Variants in TRAPPC9 observed in about 807,000 individuals in gnomAD.
TRAPPC9 encodes trafficking protein particle complex subunit 9.
Under a neutral mutation model 124.0 loss-of-function variants are expected in TRAPPC9, and 83 were observed. The ratio of observed to expected loss-of-function variants is 0.67; its 90% CI spans 0.56 to 0.80. The LOEUF (loss-of-function observed/expected upper bound fraction) is 0.80, where lower values mean the gene tolerates loss of function less well. Ranked by LOEUF, TRAPPC9 falls within the 30% of genes least tolerant of loss-of-function variation. The pLI, the probability that TRAPPC9 is intolerant of heterozygous loss-of-function variation, is 0.00. For synonymous variants in TRAPPC9, 638 were observed against 617.5 expected, an observed-to-expected ratio of 1.03 and a Z score of -0.49; for missense variants, 1,302 against 1,508.3, an observed-to-expected ratio of 0.86 and a Z score of 2.27.
chr8:140,405,433 A>G, intron 6 of TRAPPC9, 144 bp downstream of exon 6: 1 of 834,772 alleles, frequency 1.2e-6, no homozygotes. Context: ...TTTTAGGCAT[A>G]TAGTACTATG....
intron 17 of TRAPPC9, among the ~76,000 whole-genome samples, chr8:140,043,707 G>T (rs903801205): frequency 1.3e-5 from 2 of 152,204 alleles, no homozygotes; most frequent in African/African-American, 4.8e-5. Flanking sequence ...TTAGAGAGGG[G>T]CCCAAGAATG....
intron 17 of TRAPPC9, among the ~76,000 whole-genome samples, chr8:140,125,752 A>G (rs548484822): frequency 2.0e-5 from 3 of 151,472 alleles, no homozygotes; most frequent in Non-Finnish European, 4.4e-5. Context: ...GTGCCACCAC[A>G]CCCAGCTAAT....
At chr8:140,418,747 T>TAGAC (rs1353524389) in intron 5 of TRAPPC9, among the ~76,000 whole-genome samples, 9 of 148,422 alleles carry the variant, frequency 6.1e-5, no homozygotes, top group Non-Finnish European at 1.0e-4. Context: ...GATAGATAGA[T>TAGAC]AGATAGATAG....
At position 140,023,919 on chromosome 8, in the gene TRAPPC9, C is replaced by A. The variant is rs533758186; in HGVS notation, c.2699+18G>T. On this transcript the variant is annotated intron_variant, in intron 18 of 22. Transcript: ENST00000438773. ...GAGACTCTAGAACAAGACGGCTGTG[C>A]GGCAGGAAGACATTTACCTGGTTGC... The A allele has an allele frequency of 5.6e-6, 9 of 1,613,820 alleles. No homozygotes were observed. The highest frequency in any genetic ancestry group is 7.6e-6 in the Non-Finnish European group (9 of 1,179,844).
At chr8:140,033,658 G>GTTTTTTTTTTTTTTTTTTTGTTTTT (rs1840652480) in intron 17 of TRAPPC9, among the ~76,000 whole-genome samples, 4 of 42,362 alleles carry the variant, frequency 9.4e-5, no homozygotes, top group Non-Finnish European at 2.2e-4. Context: ...TCATAATGTG[G>GTTTTTTTTTTTTTTTTTTTGTTTTT]TTTTTTTTTT....
At chr8:140,199,280 T>C (rs559548843) in intron 17 of TRAPPC9, among the ~76,000 whole-genome samples, 77 of 152,272 alleles carry the variant, frequency 5.1e-4, no homozygotes, top group Non-Finnish European at 1.0e-3. Context: ...CTGATGTTCT[T>C]AGCTGGTAAA....
intron 21 of TRAPPC9, among the ~76,000 whole-genome samples, chr8:139,848,237 C>T (rs557717365): frequency 3.9e-5 from 6 of 152,342 alleles, no homozygotes; most frequent in South Asian, 2.1e-4. Context: ...GTGCATCACA[C>T]GCGAGGGGCA....
intron 16 of TRAPPC9, among the ~76,000 whole-genome samples, chr8:140,230,604 T>G (rs1412067185): frequency 6.7e-6 from 1 of 148,570 alleles, no homozygotes; most frequent in Admixed American, 6.7e-5. Flanking sequence ...AGAGTGAGAC[T>G]CCATCTCAAA....
chr8:140,006,197 T>A (rs1252465875), intron 18 of TRAPPC9, among the ~76,000 whole-genome samples: 3 of 152,150 alleles, frequency 2.0e-5, no homozygotes, highest in Admixed American at 2.0e-4. Flanking sequence ...AGCAACCCAG[T>A]CTTTGTGAAG....
At chr8:140,335,267 G>A (rs1306163927) in intron 9 of TRAPPC9, among the ~76,000 whole-genome samples, 3 of 152,176 alleles carry the variant, frequency 2.0e-5, no homozygotes, top group African/African-American at 7.2e-5. Flanking sequence ...GGACCATGAT[G>A]TCAAGAGTCT....
At chr8:140,425,339 C>T (rs1389919135) in intron 5 of TRAPPC9, among the ~76,000 whole-genome samples, 1 of 152,180 alleles carries the variant, frequency 6.6e-6, no homozygotes, top group Non-Finnish European at 1.5e-5. Flanking sequence ...CAGAGGATGT[C>T]CTCACATACC....
At chr8:140,305,500 C>T (rs573772509) in intron 10 of TRAPPC9, among the ~76,000 whole-genome samples, 52 of 152,284 alleles carry the variant, frequency 3.4e-4, no homozygotes, top group Middle Eastern at 3.4e-3. Flanking sequence ...TGGGGTTCCG[C>T]TCTGTTGGCC....
chr8:140,283,355 C>T (rs1265453893), intron 14 of TRAPPC9, among the ~76,000 whole-genome samples: 43 of 122,340 alleles, frequency 3.5e-4, no homozygotes, highest in African/African-American at 1.1e-3. Context: ...AGTGCAGTGG[C>T]GCGATCTCGG....
At chr8:139,732,446 A>G (rs1035443411) in intron 21 of TRAPPC9, among the ~76,000 whole-genome samples, 2 of 152,126 alleles carry the variant, frequency 1.3e-5, no homozygotes, top group Non-Finnish European at 2.9e-5. Flanking sequence ...ACCCCAATGG[A>G]GGGGCCTCTG....
intron 21 of TRAPPC9, among the ~76,000 whole-genome samples, chr8:139,858,044 G>A (rs1223237153): frequency 2.0e-5 from 3 of 152,180 alleles, no homozygotes; most frequent in Admixed American, 6.5e-5. Flanking sequence ...AAGGCTACTC[G>A]AAGGAACCTG....
chr8:140,208,004 A>G (rs2062967354), intron 17 of TRAPPC9, among the ~76,000 whole-genome samples: 2 of 152,104 alleles, frequency 1.3e-5, no homozygotes, highest in African/African-American at 4.8e-5. Context: ...ATACAAAATT[A>G]GCCGAGTGTG....
chr8:140,400,386 ATGCTT>A (rs1262554183), intron 6 of TRAPPC9, among the ~76,000 whole-genome samples: 7 of 152,306 alleles, frequency 4.6e-5, no homozygotes, highest in Admixed American at 4.6e-4. Context: ...TTATCAATGG[ATGCTT>A]TGCTATCCAT....
rs113025176 is a variant in TRAPPC9, at chr8:139,740,771, G to A, written c.3056-8569C>T. Among the ~76,000 whole-genome samples, 486 of 152,346 alleles carry A rather than the reference G, an allele frequency of 3.2e-3. 2 individuals are homozygous for A. The highest frequency in any genetic ancestry group is 0.011 in the African/African-American group (459 of 41,580). ...ACGGGGCCCCAACTGGAGCCATCCT[G>A]GGGCAGACCCGTCCTTCGGCCTCTC... On this transcript the variant is annotated intron_variant, in intron 21 of 22. Transcript: ENST00000438773.
chr8:140,274,281 C>G (rs2065048562), intron 15 of TRAPPC9, among the ~76,000 whole-genome samples: 1 of 152,100 alleles, frequency 6.6e-6, no homozygotes, highest in Non-Finnish European at 1.5e-5. Flanking sequence ...TGAGTGTGCA[C>G]CAACAAGCTA....
Sources: allele counts gnomAD v4.1 joint callset (sites outside exome capture counted in the v4.1 genomes callset), GRCh38; gene constraint gnomAD v4.1.1; transcripts MANE v1.5; gene names NCBI Gene and HGNC (gene_info 2026-07-23, HGNC 2026-07-21).